TDRD9: variants seen among roughly 807,000 people sequenced by gnomAD.
TDRD9 encodes the protein ATP-dependent RNA helicase TDRD9.
TDRD9 carries 124 observed loss-of-function variants against 172.6 expected under a neutral mutation model. The observed-to-expected ratio is 0.72, with a 90% CI of 0.62 to 0.83. The LOEUF (loss-of-function observed/expected upper bound fraction) is 0.83. Ranked by LOEUF, TDRD9 falls within the 40% of genes least tolerant of loss-of-function variation. The pLI, the probability that TDRD9 is intolerant of heterozygous loss-of-function variation, is 0.00. For synonymous variants in TDRD9, 619 were observed against 617.1 expected (o/e 1.00, Z -0.05); for missense variants, 1,479 against 1,714.1 (o/e 0.86, Z 2.42).
intron 5 of TDRD9, among the ~76,000 whole-genome samples, chr14:103,967,853 A>C (rs1333044324): frequency 6.6e-6 from 1 of 152,242 alleles, no homozygotes; most frequent in East Asian, 1.9e-4. Context: ...TTAATAGATA[A>C]TATGCCAAAA....
At chr14:104,042,765 C>G (rs1488920194) in intron 34 of TDRD9, among the ~76,000 whole-genome samples, 1 of 152,052 alleles carries the variant, frequency 6.6e-6, no homozygotes, top group South Asian at 2.1e-4. Flanking sequence ...TGCTCCTGCC[C>G]CAGAGCCAGT....
At chr14:103,931,475 A>G (rs2030385288) in intron 1 of TDRD9, among the ~76,000 whole-genome samples, 1 of 152,168 alleles carries the variant, frequency 6.6e-6, no homozygotes, top group Non-Finnish European at 1.5e-5. Context: ...TCAATGCCAG[A>G]GTTTCCAGCA....
rs746659034 is a variant in TDRD9 at position 104,005,294 on chromosome 14, G to A, written c.1602G>A (p.Thr534=). 20 of 1,613,858 alleles carry A rather than the reference G, an allele frequency of 1.2e-5. No individual in the cohort carries two copies. Among genetic ancestry groups the A allele is most frequent in the Non-Finnish European group, 1.5e-5 (18 of 1,179,854 alleles). The stretch of plus-strand genomic sequence containing the variant: ...TTCAGCGTTGTCCATTAGGAAGCAC[G>A]ATCTTGAAAGTGAAATTACTTGACA... ...PEMLRCPLGS[T]ILKVKLLDMG... is the part of the protein sequence containing the mutation. The change falls in exon 15 of 36, where the codon ACG becomes ACA. Residue 534 remains threonine, a synonymous_variant. Transcript: ENST00000409874.
Position 104,034,059 on chromosome 14 carries a change from C to T in TDRD9, c.3609C>T (p.Ile1203=), listed in dbSNP as rs182385572. 54 of 1,546,958 alleles carry T rather than the reference C, an allele frequency of 3.5e-5. No individual in the cohort carries two copies. The highest frequency in any genetic ancestry group is 4.6e-5 in the Non-Finnish European group (53 of 1,142,702). The stretch of plus-strand genomic sequence containing the variant: ...TGCTGGTTGCAGCTTCCCTTTCCAT[C>T]AATGCGACTGGTAATTTAAAGATCC... The part of the protein sequence containing the change: ...QRMLVAASLS[I]NATGSTMLLR... The change falls in exon 31 of 36, where the codon ATC becomes ATT. Residue 1203 remains isoleucine (I), a synonymous_variant. Coordinates refer to ENST00000409874, the MANE Select transcript of TDRD9 (RefSeq NM_153046.3).
chr14:104,034,024 C>T lies in TDRD9; in HGVS notation c.3574C>T (p.His1192Tyr), dbSNP rs1274862985. The change falls in exon 31 of 36, where the codon CAC becomes TAC. Residue 1192 changes from histidine to tyrosine, a missense_variant. Transcript: ENST00000409874. ...VIISDAPEDL[H>Y]QRMLVAASLS... The stretch of plus-strand genomic sequence containing the variant: ...TATCAGTGACGCCCCTGAAGACCTT[C>T]ACCAGAGAATGCTGGTTGCAGCTTC... 3.2e-6 allele frequency: 5 copies of T among 1,551,546 alleles called. No individual in the cohort carries two copies. In the Admixed American group the frequency reaches 9.8e-5, roughly 30 times the overall value.
At chr14:103,941,568 C>G in intron 1 of TDRD9, 2 of 1,535,232 alleles carry the variant, frequency 1.3e-6, no homozygotes. Context: ...TTGTATTAAT[C>G]TCTCTCGCTC....
At chr14:104,033,131 C>T (rs531861586) in intron 30 of TDRD9, among the ~76,000 whole-genome samples, 8 of 152,242 alleles carry the variant, frequency 5.3e-5, no homozygotes, top group African/African-American at 1.9e-4. Flanking sequence ...CTGAAAGGGC[C>T]GTGAACCTTA....
chr14:104,006,244 G>T, intron 15 of TDRD9, 145 bp from the exon 16 acceptor site: 4 of 634,918 alleles, frequency 6.3e-6, no homozygotes, highest in Admixed American at 3.3e-5. Flanking sequence ...GTTTTTTTTG[G>T]TAACATATCA....
At chr14:104,005,210 AT>A in intron 14 of TDRD9, 63 bp from the exon 15 acceptor site, 1 of 1,562,584 alleles carries the variant, frequency 6.4e-7, no homozygotes, top group Admixed American at 1.7e-5. Context: ...AGCACTGGTT[AT>A]GTGAATCGGC....
At chr14:103,967,267 C>G (rs2032788927) in intron 5 of TDRD9, among the ~76,000 whole-genome samples, 1 of 143,712 alleles carries the variant, frequency 7.0e-6, no homozygotes, top group African/African-American at 2.6e-5. Context: ...CTCTGGGAGG[C>G]CAAGGTGGGT....
chr14:103,986,375 T>C (rs2033661800), intron 8 of TDRD9, 55 bp downstream of exon 8: 1 of 1,305,558 alleles, frequency 7.7e-7, no homozygotes, highest in Middle Eastern at 1.9e-4. Context: ...TTTAAAAAAT[T>C]ATTCATTTGG....
At chr14:103,934,170 G>C (rs1194730907) in intron 1 of TDRD9, among the ~76,000 whole-genome samples, 1 of 151,994 alleles carries the variant, frequency 6.6e-6, no homozygotes, top group Non-Finnish European at 1.5e-5. Flanking sequence ...GCACGTGCCA[G>C]CATGCCTGGC....
intron 9 of TDRD9, among the ~76,000 whole-genome samples, chr14:103,993,724 AG>A (rs2033957068): frequency 6.6e-6 from 1 of 152,200 alleles, no homozygotes; most frequent in Non-Finnish European, 1.5e-5. Flanking sequence ...TTTTGGATTA[AG>A]GGCTCACCCC....
intron 19 of TDRD9, among the ~76,000 whole-genome samples, chr14:104,007,949 T>C (rs933879654): frequency 6.6e-6 from 1 of 152,078 alleles, no homozygotes; most frequent in Non-Finnish European, 1.5e-5. Context: ...AGCTACTTTT[T>C]TTGTATTTTT....
intron 34 of TDRD9, among the ~76,000 whole-genome samples, chr14:104,043,865 C>T (rs2035682168): frequency 6.6e-6 from 1 of 152,242 alleles, no homozygotes; most frequent in Non-Finnish European, 1.5e-5. Context: ...CTCATGCAGG[C>T]AGCCTTTGAT....
chr14:104,050,702 G>C (rs139226171), intron 35 of TDRD9, among the ~76,000 whole-genome samples: 113 of 152,348 alleles, frequency 7.4e-4, no homozygotes, highest in African/African-American at 2.6e-3. Flanking sequence ...GATCCTGGCA[G>C]CCGGCCCCAT....
chr14:104,007,783 CTT>C (rs567870611), intron 19 of TDRD9, among the ~76,000 whole-genome samples: 1 of 142,954 alleles, frequency 7.0e-6, no homozygotes. Context: ...TGTTTAAAGT[CTT>C]TTTTTTTTTT....
Position 104,035,014 on chromosome 14 carries a change from C to T in TDRD9, c.3674C>T (p.Pro1225Leu), listed in dbSNP as rs1336788927. 13 of 1,551,604 alleles carry T rather than the reference C, an allele frequency of 8.4e-6. No individual in the cohort carries two copies. The highest frequency in any genetic ancestry group is 1.2e-5 in the South Asian group (1 of 84,044). Reference protein sequence around the residue: ...TSLMPHIPGLPALLSMLFAPV... With the variant: ...TSLMPHIPGLLALLSMLFAPV... ...CTGATGCCTCATATCCCTGGCCTCCCGGCTCTCCTCAGCATGTTATTCGCA... is the reference window on the plus strand; with the variant it reads ...CTGATGCCTCATATCCCTGGCCTCCTGGCTCTCCTCAGCATGTTATTCGCA... The change falls in exon 32 of 36, where the codon CCG becomes CTG. Residue 1225 changes from proline to leucine, a missense_variant. Physicochemically the swap from Pro to Leu is moderately conservative, Grantham distance 98 (BLOSUM62 -3). Transcript: ENST00000409874.
At chr14:103,994,734 G>A in intron 11 of TDRD9, 131 bp downstream of exon 11, 1 of 690,398 alleles carries the variant, frequency 1.4e-6, no homozygotes, top group Non-Finnish European at 2.4e-6. Flanking sequence ...GCTGAGGTGG[G>A]TGAATCATTT....
Sources: gnomAD v4.1 joint callset for allele counts (sites outside exome capture counted in the v4.1 genomes callset) on GRCh38, gnomAD v4.1.1 for gene constraint, MANE v1.5 for transcripts, NCBI Gene and HGNC (gene_info 2026-07-23, HGNC 2026-07-21) for gene names.